Variants in PRKN observed in about 807,000 individuals in gnomAD.
The protein encoded by PRKN is parkin RBR E3 ubiquitin protein ligase.
Under a neutral mutation model 59.5 loss-of-function variants are expected in PRKN, and 56 were observed. The observed-to-expected ratio is 0.94, with a 90% confidence interval of 0.76 to 1.18. The LOEUF is 1.18. Among genes scored for constraint, PRKN ranks in the 50% most tolerant of loss-of-function variants. PRKN has a pLI of 0.00. For synonymous variants in PRKN, 250 were observed against 222.1 expected (o/e 1.13, Z -1.12); for missense variants, 657 against 596.4 (o/e 1.10, Z -1.06).
chr6:162,657,217 G>A (rs901421317), intron 1 of PRKN, among the ~76,000 whole-genome samples: 1 of 152,128 alleles, frequency 6.6e-6, no homozygotes, highest in South Asian at 2.1e-4. Flanking sequence ...TTATATCCTT[G>A]ACAGAGCCAG....
intron 6 of PRKN, among the ~76,000 whole-genome samples, chr6:161,971,787 T>A (rs760086809): frequency 6.6e-6 from 1 of 152,192 alleles, no homozygotes; most frequent in Non-Finnish European, 1.5e-5. Context: ...AATAGCCTGA[T>A]AGGAGTGTGA....
intron 4 of PRKN, among the ~76,000 whole-genome samples, chr6:162,155,221 T>C (rs1405548313): frequency 9.9e-5 from 15 of 152,168 alleles, no homozygotes; most frequent in Admixed American, 9.8e-4. Context: ...ACCATTCTCT[T>C]AATACTTTCT....
intron 7 of PRKN, among the ~76,000 whole-genome samples, chr6:161,583,775 T>C (rs778745652): frequency 1.8e-4 from 28 of 152,332 alleles, no homozygotes; most frequent in Non-Finnish European, 2.9e-4. Flanking sequence ...CATCATTTCA[T>C]GTCAAATGAT....
At chr6:162,425,446 A>T (rs1789188528) in intron 2 of PRKN, among the ~76,000 whole-genome samples, 1 of 152,188 alleles carries the variant, frequency 6.6e-6, no homozygotes, top group Non-Finnish European at 1.5e-5. Flanking sequence ...AATTTTGTAC[A>T]GATATCATTA....
intron 4 of PRKN, among the ~76,000 whole-genome samples, chr6:162,122,257 A>G (rs1486541691): frequency 6.6e-6 from 1 of 152,148 alleles, no homozygotes; most frequent in Non-Finnish European, 1.5e-5. Flanking sequence ...TCCTCTCGCC[A>G]AGGCTGATCT....
chr6:162,507,704 T>C (rs932412718), intron 1 of PRKN, among the ~76,000 whole-genome samples: 8 of 152,138 alleles, frequency 5.3e-5, no homozygotes, highest in African/African-American at 1.9e-4. Context: ...TTTTTAATTA[T>C]ATTATTTGAG....
Position 161,488,587 on chromosome 6 carries a change from G to A in PRKN, c.1083+60267C>T, listed in dbSNP as rs1035617549. On this transcript the variant is annotated intron_variant, in intron 9 of 11. Transcript: ENST00000366898. The surrounding 1 kb of genome is among the most constrained non-coding windows in gnomAD (Gnocchi z 4.5). Reference sequence around the variant, plus strand: ...TCACTGCATGAATTCCTGGGCTCAAGTGATCTTCCTGCCTCAGCCTCCTGA... The same window carrying A: ...TCACTGCATGAATTCCTGGGCTCAAATGATCTTCCTGCCTCAGCCTCCTGA... Among the ~76,000 whole-genome samples, 5 of 152,098 alleles carry A rather than the reference G, an allele frequency of 3.3e-5. No individual in the cohort carries two copies. Among genetic ancestry groups the A allele is most frequent in the African/African-American group, 1.2e-4 (5 of 41,428 alleles).
At chr6:161,972,765 C>T (rs571966053) in intron 6 of PRKN, among the ~76,000 whole-genome samples, 2 of 152,094 alleles carry the variant, frequency 1.3e-5, no homozygotes, top group South Asian at 4.1e-4. Flanking sequence ...GGTGCAGTGG[C>T]TCACGCCTGT....
intron 1 of PRKN, chr6:162,694,720 T>G (rs1279436369): frequency 6.6e-6 from 1 of 152,258 alleles, no homozygotes; most frequent in Non-Finnish European, 1.5e-5. Flanking sequence ...TTGAATGTGA[T>G]TTCATGAAAG....
intron 2 of PRKN, among the ~76,000 whole-genome samples, chr6:162,374,045 G>C (rs1428804708): frequency 6.6e-6 from 1 of 152,142 alleles, no homozygotes; most frequent in Non-Finnish European, 1.5e-5. Context: ...AACAAGAGGA[G>C]GTTATAGCCT....
Position 161,463,209 on chromosome 6 carries a change from G to A in PRKN, c.1084-76332C>T, listed in dbSNP as rs1293893822. Among the ~76,000 whole-genome samples the A allele has an allele frequency of 1.3e-5, 2 of 152,136 alleles. No homozygotes were observed. The highest frequency in any genetic ancestry group is 6.5e-5 in the Admixed American group (1 of 15,272). On this transcript the variant is annotated intron_variant, in intron 9 of 11. Coordinates refer to ENST00000366898, the MANE Select transcript of PRKN (RefSeq NM_004562.3). This position sits in a 1 kb window ranked among gnomAD's most constrained non-coding sequence, Gnocchi z 4.8. The stretch of plus-strand genomic sequence containing the variant: ...TTCCTGAGGCATCCAGATTCAGCAC[G>A]GCCTCTGGAAGGTGACTGCCAGGTC...
At chr6:161,805,208 T>C (rs904823121) in intron 6 of PRKN, among the ~76,000 whole-genome samples, 2 of 152,170 alleles carry the variant, frequency 1.3e-5, no homozygotes, top group Middle Eastern at 3.2e-3. Flanking sequence ...TTAAAAATCA[T>C]CTTCCCCAAG....
intron 1 of PRKN, among the ~76,000 whole-genome samples, chr6:162,449,683 T>A (rs1477463765): frequency 6.6e-6 from 1 of 152,202 alleles, no homozygotes; most frequent in African/African-American, 2.4e-5. Flanking sequence ...AATTCTTTAT[T>A]TCTGTCTTTG....
At chr6:162,380,511 ATATATATATATATG>A (rs1562716753) in intron 2 of PRKN, among the ~76,000 whole-genome samples, 67 of 92,668 alleles carry the variant, frequency 7.2e-4, no homozygotes, top group African/African-American at 2.8e-3. Context: ...ATATGTGTGT[ATATATATATATATG>A]TATATATACA....
chr6:161,663,867 G>A (rs181278707), intron 7 of PRKN, among the ~76,000 whole-genome samples: 105 of 152,272 alleles, frequency 6.9e-4, no homozygotes, highest in African/African-American at 2.3e-3. Flanking sequence ...AGCAGCCGCC[G>A]GGAGAGAGGC....
chr6:162,131,753 T>C (rs907211611), intron 4 of PRKN, among the ~76,000 whole-genome samples: 1 of 152,174 alleles, frequency 6.6e-6, no homozygotes, highest in Non-Finnish European at 1.5e-5. Context: ...GATACAAAAA[T>C]GTAAGATTTT....
chr6:162,515,463 CATGTT>C (rs1312107707), intron 1 of PRKN, among the ~76,000 whole-genome samples: 1 of 151,954 alleles, frequency 6.6e-6, no homozygotes, highest in African/African-American at 2.4e-5. Flanking sequence ...GCCATATAGT[CATGTT>C]AATATGCTCA....
intron 7 of PRKN, among the ~76,000 whole-genome samples, chr6:161,730,774 T>C (rs1787670895): frequency 1.3e-5 from 2 of 151,942 alleles, no homozygotes; most frequent in South Asian, 4.2e-4. Context: ...GTATTCTTTC[T>C]GGTGTGTTGC....
At position 161,407,758 on chromosome 6, in the gene PRKN, G is replaced by A. The variant is rs1247523998; in HGVS notation, c.1084-20881C>T. Among the ~76,000 whole-genome samples, 4 of 152,084 alleles carry A rather than the reference G, an allele frequency of 2.6e-5. No homozygotes were observed. The highest frequency in any genetic ancestry group is 5.9e-5 in the Non-Finnish European group (4 of 68,020). Reference sequence around the variant, plus strand: ...CAGCCAGCTCCTGCCATAACTGATTGACCAACCTTATGACATTCCACCATT... The same window carrying A: ...CAGCCAGCTCCTGCCATAACTGATTAACCAACCTTATGACATTCCACCATT... On this transcript the variant is annotated intron_variant, in intron 9 of 11. Transcript: ENST00000366898. This position sits in a 1 kb window ranked among gnomAD's most constrained non-coding sequence, Gnocchi z 4.9.
Sources: allele counts gnomAD v4.1 joint callset (sites outside exome capture counted in the v4.1 genomes callset), GRCh38; gene constraint gnomAD v4.1.1; non-coding constraint Gnocchi (gnomAD v3.1); transcripts MANE v1.5; gene names NCBI Gene and HGNC (gene_info 2026-07-23, HGNC 2026-07-21).